CDH9: variants seen among roughly 807,000 people sequenced by gnomAD.
CDH9 encodes the protein cadherin 9.
A neutral mutation model predicts 70.9 loss-of-function variants in CDH9; 28 were observed. The ratio of observed to expected loss-of-function variants is 0.40; its 90% CI spans 0.29 to 0.54. The LOEUF (loss-of-function observed/expected upper bound fraction) is 0.54. CDH9 is among the 20% of genes least tolerant of loss of function. The pLI, the probability that CDH9 is intolerant of heterozygous loss-of-function variation, is 0.59. For synonymous variants in CDH9, 409 were observed against 343.1 expected, an observed-to-expected ratio of 1.19 and a Z score of -2.12; for missense variants, 874 against 984.4, an observed-to-expected ratio of 0.89 and a Z score of 1.50.
chr5:26,997,838 T>C (rs1048269114), intron 1 of CDH9, among the ~76,000 whole-genome samples: 3 of 152,032 alleles, frequency 2.0e-5, no homozygotes, highest in African/African-American at 7.2e-5. Flanking sequence ...TAGCTGGAAC[T>C]ACAGGCACAT....
chr5:26,910,063 T>G (rs1278028653), intron 3 of CDH9, among the ~76,000 whole-genome samples: 1 of 152,086 alleles, frequency 6.6e-6, no homozygotes, highest in Non-Finnish European at 1.5e-5. Flanking sequence ...CAATTCATTT[T>G]ATTACACTAT....
chr5:26,972,140 A>T (rs77869029), intron 2 of CDH9, among the ~76,000 whole-genome samples: 2,696 of 152,254 alleles, frequency 0.018, 96 homozygotes, highest in African/African-American at 0.061. Context: ...TAATTTAGGG[A>T]AAACGTACTG....
At chr5:26,980,042 C>T (rs1202905386) in intron 2 of CDH9, among the ~76,000 whole-genome samples, 1 of 151,750 alleles carries the variant, frequency 6.6e-6, no homozygotes, top group African/African-American at 2.4e-5. Context: ...CCTAAGAATA[C>T]TATACCCAGC....
Position 26,979,467 on chromosome 5 carries a change from A to G in CDH9, c.228+8639T>C, listed in dbSNP as rs138646673. On this transcript the variant is annotated intron_variant, in intron 2 of 11. Coordinates refer to ENST00000231021, the MANE Select transcript of CDH9 (RefSeq NM_016279.4). ...ATAGAAAAAAATTAAAAAAACAGAA[A>G]CAAAGTTATAAAGAACAACTGGGGG... 5.9e-4 allele frequency among the ~76,000 whole-genome samples: 89 copies of G among 151,954 alleles called. 2 individuals carry two copies. The highest frequency in any genetic ancestry group is 2.0e-3 in the African/African-American group (84 of 41,546).
chr5:26,890,439 G>C lies in CDH9; in HGVS notation c.1379C>G (p.Ala460Gly). Reference sequence around the variant, plus strand: ...TAGCTCCAACTTACTTATTTCTGTGGCTGTAACAGTGATGTTATGCCAAGG... The same window carrying C: ...TAGCTCCAACTTACTTATTTCTGTGCCTGTAACAGTGATGTTATGCCAAGG... ...SSPWHNITVT[A>G]TEINNPKQSS... Residue 460 changes from alanine to glycine, a missense_variant, in exon 8 of 12, where the codon GCC (alanine) becomes GGC (glycine). By Grantham distance (60) the Ala-to-Gly change is moderately conservative. Coordinates refer to ENST00000231021, the MANE Select transcript of CDH9 (RefSeq NM_016279.4). The C allele has an allele frequency of 6.2e-7, 1 of 1,613,574 alleles. No individual in the cohort carries two copies. The highest frequency in any genetic ancestry group is 1.7e-5 in the Admixed American group (1 of 60,004).
At chr5:27,016,527 G>A (rs1743049285) in intron 1 of CDH9, among the ~76,000 whole-genome samples, 1 of 151,812 alleles carries the variant, frequency 6.6e-6, no homozygotes, top group African/African-American at 2.4e-5. Flanking sequence ...GTATTTGTGA[G>A]CTTTGAGTTT....
At chr5:27,005,405 C>A (rs973120660) in intron 1 of CDH9, among the ~76,000 whole-genome samples, 6 of 151,766 alleles carry the variant, frequency 4.0e-5, no homozygotes, top group Non-Finnish European at 8.8e-5. Context: ...CGGCCAACAG[C>A]ATATGAAAAA....
chr5:27,007,804 C>G (rs1407841252), intron 1 of CDH9, among the ~76,000 whole-genome samples: 2 of 152,012 alleles, frequency 1.3e-5, no homozygotes, highest in Non-Finnish European at 1.5e-5. Context: ...TATTTGTTTT[C>G]TACTGATGAT....
chr5:26,960,972 A>G (rs1345623587), intron 2 of CDH9, among the ~76,000 whole-genome samples: 3 of 152,042 alleles, frequency 2.0e-5, no homozygotes, highest in Non-Finnish European at 2.9e-5. Flanking sequence ...TTGACTCCCA[A>G]TTTATGCTTT....
intron 2 of CDH9, among the ~76,000 whole-genome samples, chr5:26,941,415 T>C (rs1465422201): frequency 6.6e-6 from 1 of 152,202 alleles, no homozygotes; most frequent in Non-Finnish European, 1.5e-5. Context: ...ATGACAGCAT[T>C]GTGCTGGTCA....
chr5:26,997,662 G>T (rs995433226), intron 1 of CDH9, among the ~76,000 whole-genome samples: 4 of 152,068 alleles, frequency 2.6e-5, no homozygotes, highest in African/African-American at 9.7e-5. Context: ...CAAGCTATTA[G>T]TGATGGAGCA....
chr5:27,002,783 G>T (rs1742793613), intron 1 of CDH9, among the ~76,000 whole-genome samples: 1 of 152,044 alleles, frequency 6.6e-6, no homozygotes, highest in African/African-American at 2.4e-5. Flanking sequence ...GGTTGGGGGA[G>T]GGGGAGGGAT....
intron 1 of CDH9, among the ~76,000 whole-genome samples, chr5:26,999,857 T>G (rs1742733222): frequency 6.6e-6 from 1 of 152,142 alleles, no homozygotes; most frequent in African/African-American, 2.4e-5. Context: ...TCCTTTGCTT[T>G]ATGATGCAGA....
intron 3 of CDH9, among the ~76,000 whole-genome samples, chr5:26,911,371 T>C (rs1741050555): frequency 6.6e-6 from 1 of 152,168 alleles, no homozygotes; most frequent in Admixed American, 6.5e-5. Context: ...GTGTTAGAAA[T>C]ACAATTGGAT....
chr5:26,935,971 A>C (rs1741551513), intron 2 of CDH9, among the ~76,000 whole-genome samples: 1 of 152,182 alleles, frequency 6.6e-6, no homozygotes, highest in Admixed American at 6.5e-5. Flanking sequence ...GCAGCTGGAG[A>C]CTATTATGGA....
At position 26,890,490 on chromosome 5, in the gene CDH9, A is replaced by G. The variant is rs1448857053; in HGVS notation, c.1328T>C (p.Leu443Ser). The G allele has an allele frequency of 1.2e-6, 2 of 1,612,536 alleles. No individual in the cohort carries two copies. The highest frequency in any genetic ancestry group is 1.1e-5 in the South Asian group (1 of 91,052). The change falls in exon 8 of 12, where the codon TTG becomes TCG. Residue 443 changes from leucine (L) to serine (S), a missense_variant. Leu to Ser is a moderately radical substitution (Grantham distance 145, BLOSUM62 -2). Transcript: ENST00000231021. ...AGATGATTCCCGGTCAAGGGCTTTC[A>G]AAGTGAAAATAGAACCATTTTCTGA... ...IHSENGSIFT[L>S]KALDRESSPW...
At position 26,906,789 on chromosome 5, in the gene CDH9, A is replaced by G. The variant is rs1238939004; in HGVS notation, c.573T>C (p.Tyr191=). The change falls in exon 4 of 12, where the codon TAT becomes TAC. Residue 191 remains tyrosine, a synonymous_variant. Transcript: ENST00000231021. ...TATAGACCACTTTGGCACTATTTCCATAGTTGGCGTCATCTGCATCTGTTG... is the reference window on the plus strand; with the variant it reads ...TATAGACCACTTTGGCACTATTTCCGTAGTTGGCGTCATCTGCATCTGTTG... ...VTATDADDAN[Y]GNSAKVVYSI... is the part of the protein sequence containing the mutation. The G allele has an allele frequency of 1.2e-6, 2 of 1,613,286 alleles. No homozygotes were observed. Among genetic ancestry groups the G allele is most frequent in the East Asian group, 2.2e-5 (1 of 44,780 alleles).
At chr5:26,966,632 A>G (rs1742134469) in intron 2 of CDH9, among the ~76,000 whole-genome samples, 1 of 152,168 alleles carries the variant, frequency 6.6e-6, no homozygotes, top group African/African-American at 2.4e-5. Context: ...TCTACTCACA[A>G]CAGTAAAATG....
intron 2 of CDH9, among the ~76,000 whole-genome samples, chr5:26,942,312 C>A (rs1741676626): frequency 6.6e-6 from 1 of 152,150 alleles, no homozygotes; most frequent in Non-Finnish European, 1.5e-5. Context: ...GTCCCTCCCA[C>A]AACACATGGG....
Sources: allele counts gnomAD v4.1 joint callset (sites outside exome capture counted in the v4.1 genomes callset), GRCh38; gene constraint gnomAD v4.1.1; transcripts MANE v1.5; gene names NCBI Gene and HGNC (gene_info 2026-07-23, HGNC 2026-07-21).